ADAMTSL1: variants seen among roughly 807,000 people sequenced by gnomAD.
ADAMTSL1 encodes the protein ADAMTS-like protein 1.
A neutral mutation model predicts 201.8 loss-of-function variants in ADAMTSL1; 126 were observed. That is an observed-to-expected ratio of 0.62 (90% CI 0.54 to 0.72). ADAMTSL1 has a LOEUF of 0.72. Ranked by LOEUF, ADAMTSL1 falls within the 30% of genes least tolerant of loss-of-function variation. The pLI is 0.00. For synonymous variants in ADAMTSL1, 1,121 were observed against 903.4 expected, an observed-to-expected ratio of 1.24 and a Z score of -4.32; for missense variants, 2,679 against 2,277.8, an observed-to-expected ratio of 1.18 and a Z score of -3.59.
chr9:18,679,560 A>G (rs118043767), intron 10 of ADAMTSL1, among the ~76,000 whole-genome samples: 3 of 152,176 alleles, frequency 2.0e-5, no homozygotes, highest in East Asian at 3.8e-4. Flanking sequence ...TTACTTAACT[A>G]TATGTCTACT....
chr9:17,999,970 T>C (rs1819547258), intron 1 of ADAMTSL1, among the ~76,000 whole-genome samples: 1 of 146,536 alleles, frequency 6.8e-6, no homozygotes, highest in Non-Finnish European at 1.5e-5. Context: ...TTCCATGGTG[T>C]ATATGTGCCA....
upstream of ADAMTSL1, among the ~76,000 whole-genome samples, chr9:18,469,797 C>G (rs562045708): frequency 2.6e-5 from 4 of 152,352 alleles, no homozygotes; most frequent in African/African-American, 7.2e-5. Context: ...TTCTGCCTCA[C>G]TTCCTCCTTC....
At chr9:17,929,525 C>G (rs1056268443) in intron 1 of ADAMTSL1, among the ~76,000 whole-genome samples, 1 of 152,058 alleles carries the variant, frequency 6.6e-6, no homozygotes, top group Non-Finnish European at 1.5e-5. Flanking sequence ...TCCCTCACTC[C>G]TCTTCCTCCC....
intron 1 of ADAMTSL1, among the ~76,000 whole-genome samples, chr9:18,083,155 C>T (rs10756929): frequency 0.25 from 37,971 of 152,034 alleles, 7,157 homozygotes; most frequent in African/African-American, 0.51. Context: ...TGAAACTGTG[C>T]CTTTAAGTTT....
intron 2 of ADAMTSL1, among the ~76,000 whole-genome samples, chr9:18,324,992 C>T (rs1000481424): frequency 6.6e-6 from 1 of 152,054 alleles, no homozygotes; most frequent in Admixed American, 6.6e-5. Context: ...AATATATAAA[C>T]AATGTTATCA....
chr9:18,598,106 A>G (rs934119042), intron 4 of ADAMTSL1, among the ~76,000 whole-genome samples: 1 of 152,222 alleles, frequency 6.6e-6, no homozygotes, highest in African/African-American at 2.4e-5. Flanking sequence ...TGTGGTTAAT[A>G]GAACAACAAG....
At chr9:18,570,046 G>A (rs1424087376) in intron 3 of ADAMTSL1, among the ~76,000 whole-genome samples, 2 of 151,988 alleles carry the variant, frequency 1.3e-5, no homozygotes, top group Admixed American at 1.3e-4. Context: ...AAACAGTTAG[G>A]TTATCAGTTT....
intron 2 of ADAMTSL1, among the ~76,000 whole-genome samples, chr9:18,526,663 G>T (rs532757330): frequency 7.2e-5 from 11 of 152,128 alleles, no homozygotes; most frequent in Non-Finnish European, 7.4e-5. Context: ...GCATTTGCTT[G>T]TCTGTAAAGG....
intron 4 of ADAMTSL1, among the ~76,000 whole-genome samples, chr9:18,577,519 G>C (rs183556203): frequency 3.3e-5 from 5 of 152,212 alleles, no homozygotes; most frequent in Admixed American, 3.3e-4. Flanking sequence ...TTTGAATCTA[G>C]CTCCTCTTTA....
At chr9:17,926,909 T>G (rs141327674) in intron 1 of ADAMTSL1, among the ~76,000 whole-genome samples, 5 of 152,326 alleles carry the variant, frequency 3.3e-5, no homozygotes, top group Admixed American at 3.3e-4. Context: ...AGAATATATA[T>G]AACACAATTG....
At chr9:18,767,026 G>C (rs950975174) in intron 16 of ADAMTSL1, among the ~76,000 whole-genome samples, 1 of 152,190 alleles carries the variant, frequency 6.6e-6, no homozygotes, top group East Asian at 1.9e-4. Flanking sequence ...GGGAAGGGTG[G>C]TAAAAAAAAG....
chr9:17,985,677 G>C (rs1228989372), intron 1 of ADAMTSL1, among the ~76,000 whole-genome samples: 3 of 152,066 alleles, frequency 2.0e-5, no homozygotes, highest in Admixed American at 1.3e-4. Flanking sequence ...ATTATACACA[G>C]AATTCCGCAA....
At chr9:18,470,560 A>G (rs1821166190), upstream of ADAMTSL1, among the ~76,000 whole-genome samples, 1 of 152,174 alleles carries the variant, frequency 6.6e-6, no homozygotes, top group African/African-American at 2.4e-5. Flanking sequence ...CCCAGCCCTG[A>G]GTTCTTTCCA....
chr9:18,379,550 T>C (rs1837459243), intron 2 of ADAMTSL1, among the ~76,000 whole-genome samples: 1 of 152,180 alleles, frequency 6.6e-6, no homozygotes, highest in African/African-American at 2.4e-5. Context: ...TGTAACTAAA[T>C]TTGTTGTTGT....
rs575638020 is a variant in ADAMTSL1 at position 17,991,140 on chromosome 9, A to T, written c.87+84218A>T. 2.0e-5 allele frequency among the ~76,000 whole-genome samples: 3 copies of T among 152,296 alleles called. No individual in the cohort carries two copies. In the South Asian group the frequency reaches 6.2e-4, roughly 32 times the overall value. On this transcript the variant is annotated intron_variant, in intron 1 of 29. Coordinates refer to the ADAMTSL1 transcript ENST00000680146. ...ACTTATCCCAAACGCTGTACTGGGA[A>T]TTAGTTGAATATGTCTTAATCACAC...
chr9:18,480,041 T>C (rs1821644531), intron 1 of ADAMTSL1, among the ~76,000 whole-genome samples: 1 of 152,252 alleles, frequency 6.6e-6, no homozygotes, highest in Non-Finnish European at 1.5e-5. Context: ...TTTTGGATGT[T>C]TCATATATTT....
At chr9:18,409,397 AAAAAAAAG>A (rs1818337987) in intron 2 of ADAMTSL1, among the ~76,000 whole-genome samples, 5 of 150,998 alleles carry the variant, frequency 3.3e-5, no homozygotes, top group Admixed American at 3.3e-4. Flanking sequence ...AAAAAAAAAA[AAAAAAAAG>A]AAAAAGAAAA....
chr9:18,132,989 A>G (rs1001940640), intron 1 of ADAMTSL1, among the ~76,000 whole-genome samples: 54 of 152,232 alleles, frequency 3.5e-4, no homozygotes, highest in African/African-American at 1.1e-3. Context: ...TCACAGTACT[A>G]AGGAGCTAGT....
chr9:18,818,259 C>T (rs1391372075), intron 21 of ADAMTSL1, among the ~76,000 whole-genome samples: 2 of 152,184 alleles, frequency 1.3e-5, no homozygotes, highest in Non-Finnish European at 2.9e-5. Context: ...CATGGCCACA[C>T]CAAACCCAGG....
Sources: gnomAD v4.1 joint callset for allele counts (sites outside exome capture counted in the v4.1 genomes callset) on GRCh38, gnomAD v4.1.1 for gene constraint, MANE v1.5 for transcripts, NCBI Gene and HGNC (gene_info 2026-07-23, HGNC 2026-07-21) for gene names.